Variants in UCP1 observed in about 807,000 individuals in gnomAD.
UCP1 encodes the protein mitochondrial brown fat uncoupling protein 1.
UCP1 carries 24 observed loss-of-function variants against 26.2 expected under a neutral mutation model. The ratio of observed to expected loss-of-function variants is 0.92; its 90% confidence interval spans 0.66 to 1.29. The LOEUF is 1.29. Ranked by LOEUF, UCP1 falls within the 50% of genes most tolerant of loss-of-function variation. The pLI, the probability that UCP1 is intolerant of heterozygous loss-of-function variation, is 0.00. For missense variants in UCP1, 402 were observed against 388.7 expected (o/e 1.03, Z -0.29); for synonymous variants, 164 against 156.8 (o/e 1.05, Z -0.34).
intron 5 of UCP1, 39 bp from the exon 6 acceptor site, chr4:140,560,049 ATTTT>A (rs371463243): frequency 5.3e-5 from 67 of 1,256,362 alleles, no homozygotes; most frequent in Non-Finnish European, 7.4e-5. Flanking sequence ...AATTTGTTTG[ATTTT>A]TTTTTTTTTT....
intron 5 of UCP1, among the ~76,000 whole-genome samples, chr4:140,561,041 G>A (rs1735666445): frequency 6.6e-6 from 1 of 152,004 alleles, no homozygotes; most frequent in South Asian, 2.1e-4. Context: ...CATCCATGTT[G>A]TAGTATTTCT....
chr4:140,563,696 C>T (rs1163059372), intron 2 of UCP1, among the ~76,000 whole-genome samples, 178 bp from the exon 3 acceptor site: 1 of 151,678 alleles, frequency 6.6e-6, no homozygotes, highest in Non-Finnish European at 1.5e-5. Context: ...CAATCTCCGC[C>T]TCCCGGGTTC....
chr4:140,568,678 A>C lies in UCP1; in HGVS notation c.52T>G (p.Phe18Val), dbSNP rs1483943282. The C allele has an allele frequency of 1.2e-6, 2 of 1,609,170 alleles. No individual in the cohort carries two copies. Among genetic ancestry groups the C allele is most frequent in the Non-Finnish European group, 1.7e-6 (2 of 1,178,432 alleles). ...AAGCACGCCGCTATTCCAGCTGAGA[A>C]GAGCTGGACCCCCAGGGTCGGGTGT... ...DVHPTLGVQL[F>V]SAGIAACLAD... Residue 18 changes from phenylalanine to valine, a missense_variant, in exon 1 of 6, where the codon TTC (phenylalanine) becomes GTC (valine). Phe to Val is a conservative substitution (Grantham distance 50). Transcript: ENST00000262999.
At chr4:140,566,602 T>A (rs1735804565) in intron 2 of UCP1, among the ~76,000 whole-genome samples, 1 of 152,228 alleles carries the variant, frequency 6.6e-6, no homozygotes, top group East Asian at 1.9e-4. Context: ...TATATATTTG[T>A]ATAGACAACA....
At chr4:140,563,611 ATT>A (rs112019388) in intron 2 of UCP1, 93 bp from the exon 3 acceptor site, 4,033 of 1,002,582 alleles carry the variant, frequency 4.0e-3, no homozygotes, top group Middle Eastern at 5.1e-3. Flanking sequence ...ATATTTTTGT[ATT>A]TTTTTTTTTT....
chr4:140,566,520 A>G (rs1167955111), intron 2 of UCP1, among the ~76,000 whole-genome samples: 1 of 152,226 alleles, frequency 6.6e-6, no homozygotes, highest in Admixed American at 6.5e-5. Context: ...TAAATAAAAA[A>G]ATGCAGTTTT....
At chr4:140,566,519 A>T (rs1012397372) in intron 2 of UCP1, among the ~76,000 whole-genome samples, 1 of 152,234 alleles carries the variant, frequency 6.6e-6, no homozygotes, top group African/African-American at 2.4e-5. Flanking sequence ...ATAAATAAAA[A>T]AATGCAGTTT....
intron 4 of UCP1, among the ~76,000 whole-genome samples, 153 bp downstream of exon 4, chr4:140,562,957 G>C (rs1373782872): frequency 6.6e-6 from 1 of 152,086 alleles, no homozygotes; most frequent in Non-Finnish European, 1.5e-5. Context: ...GTCTTTTCCT[G>C]CTTCTCACAA....
chr4:140,567,637 T>C (rs1735826192), intron 2 of UCP1, 142 bp downstream of exon 2: 2 of 1,085,130 alleles, frequency 1.8e-6, no homozygotes, highest in South Asian at 1.4e-5. Flanking sequence ...AACAATGAGC[T>C]AATGTTTGGG....
intron 5 of UCP1, 75 bp downstream of exon 5, chr4:140,562,118 G>A: frequency 6.5e-7 from 1 of 1,542,620 alleles, no homozygotes; most frequent in Non-Finnish European, 9.0e-7. Flanking sequence ...CTAAATGTCG[G>A]TTGCTTGACA....
chr4:140,562,269 G>T lies in UCP1; in HGVS notation c.733C>A (p.Pro245Thr). The change falls in exon 5 of 6, where the codon CCA (proline) becomes ACA (threonine). Residue 245 changes from proline to threonine, a missense_variant. By Grantham distance (38) the Pro-to-Thr change is conservative. Transcript: ENST00000262999. The part of the protein sequence containing the change: ...VVKTRFINSP[P>T]GQYKSVPNCA... ...TTGGGCACACTTTTGTACTGTCCTGGTGGAGAATTAATAAATCTGGTTTTT... is the reference window on the plus strand; with the variant it reads ...TTGGGCACACTTTTGTACTGTCCTGTTGGAGAATTAATAAATCTGGTTTTT... The T allele has an allele frequency of 6.8e-6, 11 of 1,614,140 alleles. No individual in the cohort carries two copies. Among genetic ancestry groups the T allele is most frequent in the African/African-American group, 1.3e-5 (1 of 75,020 alleles).
intron 4 of UCP1, 82 bp downstream of exon 4, chr4:140,563,028 A>T (rs542254778): frequency 5.9e-4 from 621 of 1,055,180 alleles, no homozygotes; most frequent in Admixed American, 8.5e-4. Flanking sequence ...GAGTTAAGAG[A>T]TTGAGTATAA....
Position 140,567,802 on chromosome 4 carries a change from T to C in UCP1, c.302A>G (p.Glu101Gly), listed in dbSNP as rs772769015. ...LRIGLYDTVQ[E>G]FLTAGKETAP... ...ACTTTCTTTCCCTGCGGTGAGGAAC[T>C]CCTGGACCGTGTCGTAGAGGCCGAT... The change falls in exon 2 of 6, where the codon GAG (glutamate) becomes GGG (glycine). Residue 101 changes from glutamate (E) to glycine (G), a missense_variant. Transcript: ENST00000262999. 4.3e-6 allele frequency: 7 copies of C among 1,613,968 alleles called. No individual in the cohort carries two copies. The South Asian group carries it at 5.5e-5, about 13-fold the overall frequency.
At chr4:140,562,764 A>G (rs1735707014) in intron 4 of UCP1, among the ~76,000 whole-genome samples, 1 of 152,178 alleles carries the variant, frequency 6.6e-6, no homozygotes, top group Admixed American at 6.5e-5. Context: ...TTTTATAACT[A>G]GATCTTTTGG....
chr4:140,568,223 C>T (rs1217977905), intron 1 of UCP1, among the ~76,000 whole-genome samples: 1 of 151,782 alleles, frequency 6.6e-6, no homozygotes, highest in Non-Finnish European at 1.5e-5. Context: ...TCCCCAGGAA[C>T]TCTCCAGAAC....
intron 2 of UCP1, 28 bp from the exon 3 acceptor site, chr4:140,563,546 G>GA: frequency 5.0e-6 from 8 of 1,594,776 alleles, no homozygotes; most frequent in Admixed American, 1.7e-5. Context: ...AAATTATTAA[G>GA]AAAAAAAATT....
intron 5 of UCP1, among the ~76,000 whole-genome samples, chr4:140,560,850 A>C (rs1173709540): frequency 6.6e-6 from 1 of 152,008 alleles, no homozygotes; most frequent in Non-Finnish European, 1.5e-5. Flanking sequence ...TTGTCACCCC[A>C]AAAAGAAACT....
intron 2 of UCP1, among the ~76,000 whole-genome samples, chr4:140,565,359 T>C (rs1177764159): frequency 2.0e-5 from 3 of 152,216 alleles, no homozygotes; most frequent in Admixed American, 1.3e-4. Flanking sequence ...CATCTCTTTT[T>C]CCCTATTGCC....
chr4:140,566,877 G>A (rs892140797), intron 2 of UCP1, among the ~76,000 whole-genome samples: 13 of 152,196 alleles, frequency 8.5e-5, no homozygotes, highest in African/African-American at 3.1e-4. Context: ...CATATGAGAA[G>A]TGCAGAAGGC....
Sources: gnomAD v4.1 joint callset for allele counts (sites outside exome capture counted in the v4.1 genomes callset) on GRCh38, gnomAD v4.1.1 for gene constraint, MANE v1.5 for transcripts, NCBI Gene and HGNC (gene_info 2026-07-23, HGNC 2026-07-21) for gene names.